PDGFD: variants seen among roughly 807,000 people sequenced by gnomAD.
The protein encoded by PDGFD is platelet-derived growth factor D.
PDGFD carries 30 observed loss-of-function variants against 44.7 expected under a neutral mutation model. The observed-to-expected ratio is 0.67, with a 90% confidence interval of 0.50 to 0.91. The LOEUF is 0.91. Ranked by LOEUF, PDGFD falls within the 40% of genes least tolerant of loss-of-function variation. The pLI is 0.00. For missense variants in PDGFD, 445 were observed against 457.8 expected, an observed-to-expected ratio of 0.97 and a Z score of 0.25; for synonymous variants, 173 against 168.4, an observed-to-expected ratio of 1.03 and a Z score of -0.21.
chr11:103,972,979 T>C (rs1480785897), intron 3 of PDGFD, among the ~76,000 whole-genome samples: 2 of 152,194 alleles, frequency 1.3e-5, no homozygotes, highest in Non-Finnish European at 2.9e-5. Flanking sequence ...GTCAACTATG[T>C]GCAAGGAACT....
chr11:104,040,565 A>C (rs1860330984), intron 1 of PDGFD, among the ~76,000 whole-genome samples: 1 of 152,036 alleles, frequency 6.6e-6, no homozygotes, highest in African/African-American at 2.4e-5. Flanking sequence ...CTTCTACATC[A>C]ATCAGGCACT....
intron 3 of PDGFD, among the ~76,000 whole-genome samples, chr11:103,990,640 C>T (rs1859435630): frequency 6.6e-6 from 1 of 152,172 alleles, no homozygotes; most frequent in South Asian, 2.1e-4. Context: ...TATATTGCAG[C>T]TCTTGCAGCT....
Position 103,978,173 on chromosome 11 carries a change from G to A in PDGFD, c.510+17892C>T, listed in dbSNP as rs566255296. 1.3e-4 allele frequency among the ~76,000 whole-genome samples: 19 copies of A among 151,960 alleles called. 1 individual carries two copies. The South Asian group carries it at 4.0e-3, about 32-fold the overall frequency. ...ACAAACATTTTTCAATAGCAAAATTGAAGGGATTTTCTCTTAATTTATAAT... is the reference window on the plus strand; with the variant it reads ...ACAAACATTTTTCAATAGCAAAATTAAAGGGATTTTCTCTTAATTTATAAT... On this transcript the variant is annotated intron_variant, in intron 3 of 6. Transcript: ENST00000393158.
In PDGFD at chr11:103,908,780, C is replaced by T. The variant is rs990344942; in HGVS notation, c.*914G>A. The T allele has an allele frequency of 2.0e-5, 3 of 152,164 alleles. No homozygotes were observed. The highest frequency in any genetic ancestry group is 2.9e-5 in the Non-Finnish European group (2 of 68,026). 9.4% of individuals were successfully genotyped at this position (152,164 alleles called of 1,614,324 possible). On this transcript the variant is annotated 3_prime_UTR_variant, in exon 7 of 7. Transcript: ENST00000393158. ...TTCACTTTTTAAGTTCTCAACTACC[C>T]ACATCTTTCACTGAACACCATCTGG...
At chr11:104,109,499 T>C (rs1341644420) in intron 1 of PDGFD, among the ~76,000 whole-genome samples, 1 of 152,186 alleles carries the variant, frequency 6.6e-6, no homozygotes, top group Admixed American at 6.6e-5. Context: ...TAGCAACATC[T>C]ATTAAATTTT....
intron 1 of PDGFD, among the ~76,000 whole-genome samples, chr11:104,018,586 C>T (rs1859898425): frequency 6.6e-6 from 1 of 152,018 alleles, no homozygotes; most frequent in Non-Finnish European, 1.5e-5. Context: ...GGGAATCTGC[C>T]CAACTCATAT....
At chr11:104,157,355 C>G (rs1230142413) in intron 1 of PDGFD, among the ~76,000 whole-genome samples, 3 of 152,130 alleles carry the variant, frequency 2.0e-5, no homozygotes, top group African/African-American at 7.2e-5. Flanking sequence ...CTCGGCCTTG[C>G]GGACTATTCA....
At chr11:103,923,205 C>A (rs918553964) in intron 6 of PDGFD, among the ~76,000 whole-genome samples, 3 of 152,002 alleles carry the variant, frequency 2.0e-5, no homozygotes, top group African/African-American at 7.3e-5. Context: ...TACTCTATAT[C>A]TAGTATATTC....
intron 1 of PDGFD, among the ~76,000 whole-genome samples, chr11:104,070,595 T>C (rs1245177765): frequency 6.6e-6 from 1 of 152,228 alleles, no homozygotes; most frequent in Non-Finnish European, 1.5e-5. Context: ...GCTAGCTCCT[T>C]CTTTTCCCTC....
chr11:104,141,796 C>G (rs986550153), intron 1 of PDGFD, among the ~76,000 whole-genome samples: 1 of 152,142 alleles, frequency 6.6e-6, no homozygotes, highest in Non-Finnish European at 1.5e-5. Flanking sequence ...CAGCCAAGAG[C>G]AGGTAACAGG....
chr11:104,140,016 C>T lies in PDGFD; in HGVS notation c.124+23788G>A, dbSNP rs1862062649. On this transcript the variant is annotated intron_variant, in intron 1 of 6. Coordinates refer to ENST00000393158, the MANE Select transcript of PDGFD (RefSeq NM_025208.5). Reference sequence around the variant, plus strand: ...TGGAGCTTGCAGTGAGCCGAGATTGCGCCACTGCAGTCCGCAGTCTGGCCT... The same window carrying T: ...TGGAGCTTGCAGTGAGCCGAGATTGTGCCACTGCAGTCCGCAGTCTGGCCT... Among the ~76,000 whole-genome samples, 2 of 21,602 alleles carry T rather than the reference C, an allele frequency of 9.3e-5. 1 individual carries two copies. The highest frequency in any genetic ancestry group is 1.6e-4 in the Non-Finnish European group (2 of 12,436). 14.2% of individuals were successfully genotyped at this position (21,602 alleles called of 152,430 possible). A position where few individuals can be genotyped will look rare whatever the true frequency, so the allele number is the denominator to read the frequency against.
At chr11:104,163,272 A>G (rs903279087) in intron 1 of PDGFD, among the ~76,000 whole-genome samples, 1 of 152,180 alleles carries the variant, frequency 6.6e-6, no homozygotes, top group African/African-American at 2.4e-5. Context: ...GCACACTGCC[A>G]TTTCCCGAAA....
At chr11:104,023,402 A>C (rs1229122781) in intron 1 of PDGFD, among the ~76,000 whole-genome samples, 1 of 152,082 alleles carries the variant, frequency 6.6e-6, no homozygotes, top group Non-Finnish European at 1.5e-5. Flanking sequence ...CATTTCACTC[A>C]ATCCACCAAA....
chr11:104,040,656 T>C (rs1185526581), intron 1 of PDGFD, among the ~76,000 whole-genome samples: 1 of 152,012 alleles, frequency 6.6e-6, no homozygotes, highest in Non-Finnish European at 1.5e-5. Flanking sequence ...ATTTTGCAGA[T>C]GGAAAATTTG....
intron 3 of PDGFD, among the ~76,000 whole-genome samples, chr11:103,966,024 G>A (rs1859014920): frequency 6.6e-6 from 1 of 152,140 alleles, no homozygotes; most frequent in Non-Finnish European, 1.5e-5. Context: ...CAAGGAAAAG[G>A]AGACTTATTT....
intron 3 of PDGFD, among the ~76,000 whole-genome samples, chr11:103,969,481 T>G (rs918659001): frequency 5.4e-5 from 8 of 147,720 alleles, no homozygotes; most frequent in South Asian, 2.2e-4. Context: ...CTGGTTTTTT[T>G]TTTTTTTTTT....
intron 3 of PDGFD, among the ~76,000 whole-genome samples, chr11:103,959,886 G>T (rs1336527459): frequency 6.6e-6 from 1 of 152,136 alleles, no homozygotes; most frequent in African/African-American, 2.4e-5. Context: ...AGGATAAATG[G>T]TAATTAAATG....
intron 1 of PDGFD, among the ~76,000 whole-genome samples, chr11:104,163,343 C>G (rs925510507): frequency 6.6e-6 from 1 of 152,012 alleles, no homozygotes; most frequent in African/African-American, 2.4e-5. Context: ...ACGATTTCTC[C>G]TCTCACTCGT....
chr11:103,932,251 C>T (rs1449146006), intron 5 of PDGFD, among the ~76,000 whole-genome samples: 1 of 151,766 alleles, frequency 6.6e-6, no homozygotes, highest in Non-Finnish European at 1.5e-5. Flanking sequence ...ACCCATAAAA[C>T]CATTCTGTTT....
Sources: allele counts gnomAD v4.1 joint callset (sites outside exome capture counted in the v4.1 genomes callset), GRCh38; gene constraint gnomAD v4.1.1; transcripts MANE v1.5; gene names NCBI Gene and HGNC (gene_info 2026-07-23, HGNC 2026-07-21).